Variants in MDGA2 observed in about 807,000 individuals in gnomAD.
MDGA2 encodes the protein MAM domain-containing glycosylphosphatidylinositol anchor protein 2.
In MDGA2, 40 loss-of-function variants were observed where a neutral mutation model predicts 117.8. The observed-to-expected ratio is 0.34, with a 90% CI of 0.26 to 0.44. MDGA2 has a LOEUF of 0.44. MDGA2 is among the 20% of genes least tolerant of loss of function. MDGA2 has a pLI of 1.00. For missense variants in MDGA2, 1,123 were observed against 1,250.6 expected (o/e 0.90, Z 1.54); for synonymous variants, 452 against 439.0 (o/e 1.03, Z -0.37).
At chr14:47,153,652 C>G (rs1025244935) in intron 3 of MDGA2, among the ~76,000 whole-genome samples, 1 of 147,542 alleles carries the variant, frequency 6.8e-6, no homozygotes, top group African/African-American at 2.5e-5. Flanking sequence ...AAGGGAAGGA[C>G]CAGTGAGAGA....
In MDGA2 at chr14:47,058,924, T is replaced by C. The variant is rs1392194234; in HGVS notation, c.1525+2325A>G. 4.1e-6 allele frequency: 4 copies of C among 967,282 alleles called. No individual in the cohort carries two copies. The African/African-American group carries it at 7.1e-5, about 17-fold the overall frequency. The allele number at this position is 967,282 out of a possible 1,614,324, so 59.9% of individuals were successfully genotyped here. On this transcript the variant is annotated intron_variant, in intron 7 of 16. Transcript: ENST00000399232. ...AATGCTTTGATGTTGCCATAGTGAG[T>C]TTATTAATTTTTGAACAAGGGGCAT...
chr14:47,117,192 T>C (rs1053611971), intron 5 of MDGA2, among the ~76,000 whole-genome samples: 47 of 151,920 alleles, frequency 3.1e-4, no homozygotes, highest in African/African-American at 1.0e-3. Context: ...GAAATGCAAA[T>C]CAAAATCACA....
At chr14:46,982,705 CAAAAAAAAAAAAA>C (rs59530070) in intron 8 of MDGA2, among the ~76,000 whole-genome samples, 17 of 45,912 alleles carry the variant, frequency 3.7e-4, no homozygotes, top group East Asian at 1.0e-3. Context: ...GAGACTCCAT[CAAAAAAAAAAAAA>C]AAAAAAAAAA....
chr14:46,916,331 CCT>C (rs1335587378), intron 10 of MDGA2, among the ~76,000 whole-genome samples: 1 of 152,060 alleles, frequency 6.6e-6, no homozygotes, highest in Non-Finnish European at 1.5e-5. Flanking sequence ...TGAGTTCGAG[CCT>C]TGGCTCAGCT....
rs191065473 is a variant in MDGA2 at position 46,961,768 on chromosome 14, G to A, written c.1820-4125C>T. Reference sequence around the variant, plus strand: ...CGCCATTCTCCTGCCTCAGCCTCCCGAGTAGCTGGGACTACAGGCACCTGC... The same window carrying A: ...CGCCATTCTCCTGCCTCAGCCTCCCAAGTAGCTGGGACTACAGGCACCTGC... On this transcript the variant is annotated intron_variant, in intron 8 of 16. Coordinates refer to ENST00000399232, the MANE Select transcript of MDGA2 (RefSeq NM_001113498.3). Among the ~76,000 whole-genome samples the A allele has an allele frequency of 8.5e-3, 1,289 of 151,382 alleles. 17 individuals are homozygous for A. Among genetic ancestry groups the A allele is most frequent in the African/African-American group, 0.03 (1,224 of 41,250 alleles).
intron 3 of MDGA2, among the ~76,000 whole-genome samples, chr14:47,180,668 G>A (rs1207497827): frequency 1.3e-5 from 2 of 152,024 alleles, no homozygotes; most frequent in Admixed American, 6.6e-5. Context: ...TTAAAGTCAC[G>A]CCTATAATCC....
intron 2 of MDGA2, among the ~76,000 whole-genome samples, chr14:47,263,602 G>GAGCTAGAA: frequency 6.6e-6 from 1 of 152,012 alleles, no homozygotes; most frequent in South Asian, 2.1e-4. Flanking sequence ...TACATGCAAA[G>GAGCTAGAA]AGCTAGAAAG....
chr14:46,855,190 A>G lies in MDGA2; in HGVS notation c.2753-36T>C. On this transcript the variant is annotated intron_variant, in intron 14 of 16. Coordinates refer to ENST00000399232, the MANE Select transcript of MDGA2 (RefSeq NM_001113498.3). This position sits in a 1 kb window ranked among gnomAD's most constrained non-coding sequence, Gnocchi z 4.1. The stretch of plus-strand genomic sequence containing the variant: ...CAATAAAATTTTATTTTGCATATTC[A>G]TTTTCACCTCAAATTTGTTTTTCCT... The G allele has an allele frequency of 1.3e-6, 2 of 1,564,918 alleles. No individual in the cohort carries two copies. Among genetic ancestry groups the G allele is most frequent in the Middle Eastern group, 1.8e-4 (1 of 5,572 alleles).
At chr14:46,968,677 CA>C (rs34010287) in intron 8 of MDGA2, among the ~76,000 whole-genome samples, 8 of 147,624 alleles carry the variant, frequency 5.4e-5, no homozygotes, top group East Asian at 2.0e-4. Flanking sequence ...ACTAAAAATA[CA>C]AAAAAAAAAT....
intron 1 of MDGA2, among the ~76,000 whole-genome samples, chr14:47,588,560 A>T (rs1465950979): frequency 1.3e-5 from 2 of 151,760 alleles, no homozygotes; most frequent in East Asian, 3.9e-4. Context: ...TTCTTTGGCC[A>T]TTTTTTAATT....
At chr14:47,539,079 G>T (rs554908344) in intron 1 of MDGA2, among the ~76,000 whole-genome samples, 3 of 152,200 alleles carry the variant, frequency 2.0e-5, no homozygotes, top group Admixed American at 2.0e-4. Flanking sequence ...CTTCCCTCAG[G>T]GTACAGGCTG....
intron 1 of MDGA2, among the ~76,000 whole-genome samples, chr14:47,364,563 C>A (rs1891192393): frequency 6.6e-6 from 1 of 152,140 alleles, no homozygotes. Context: ...CGCGCCGGCC[C>A]CAGAATTAAA....
chr14:47,166,033 CTTT>C (rs35219016), intron 3 of MDGA2, among the ~76,000 whole-genome samples: 5 of 115,518 alleles, frequency 4.3e-5, no homozygotes, highest in Admixed American at 9.0e-5. Context: ...GCACTGTTTA[CTTT>C]TTTTTTTTTT....
At chr14:47,161,347 A>C (rs1377177278) in intron 3 of MDGA2, among the ~76,000 whole-genome samples, 2 of 152,094 alleles carry the variant, frequency 1.3e-5, no homozygotes, top group Non-Finnish European at 2.9e-5. Context: ...TCTAAATGGT[A>C]TATAATTTGA....
intron 7 of MDGA2, among the ~76,000 whole-genome samples, chr14:47,042,520 C>A (rs1889115064): frequency 6.6e-6 from 1 of 152,054 alleles, no homozygotes; most frequent in African/African-American, 2.4e-5. Context: ...AGTGCTGTTT[C>A]AGTGTTTGTG....
At chr14:47,509,359 C>A (rs1336288526) in intron 1 of MDGA2, among the ~76,000 whole-genome samples, 2 of 152,146 alleles carry the variant, frequency 1.3e-5, no homozygotes, top group Non-Finnish European at 2.9e-5. Context: ...AAGTGGTTAT[C>A]CATGAAAGTG....
chr14:47,567,864 A>G (rs1895948699), intron 1 of MDGA2, among the ~76,000 whole-genome samples: 1 of 152,020 alleles, frequency 6.6e-6, no homozygotes, highest in Admixed American at 6.6e-5. Flanking sequence ...GCTGAAATTC[A>G]CTATGAATTG....
intron 8 of MDGA2, among the ~76,000 whole-genome samples, chr14:47,023,831 A>T (rs1888378179): frequency 6.6e-6 from 1 of 152,206 alleles, no homozygotes; most frequent in African/African-American, 2.4e-5. Flanking sequence ...TTCAGATACA[A>T]ATTTGGGGAA....
At chr14:46,967,157 G>A (rs1222442443) in intron 8 of MDGA2, among the ~76,000 whole-genome samples, 2 of 152,076 alleles carry the variant, frequency 1.3e-5, no homozygotes, top group East Asian at 3.8e-4. Flanking sequence ...GACAATGGAC[G>A]TTAAATATGC....
Sources: gnomAD v4.1 joint callset for allele counts (sites outside exome capture counted in the v4.1 genomes callset) on GRCh38, gnomAD v4.1.1 for gene constraint, Gnocchi (gnomAD v3.1) non-coding constraint, MANE v1.5 for transcripts, NCBI Gene and HGNC (gene_info 2026-07-23, HGNC 2026-07-21) for gene names.